SPOCK3: variants seen among roughly 807,000 people sequenced by gnomAD.
The protein encoded by SPOCK3 is testican-3.
Under a neutral mutation model 56.6 loss-of-function variants are expected in SPOCK3, and 30 were observed. That is an observed-to-expected ratio of 0.53 (90% CI 0.40 to 0.72). The LOEUF is 0.72. SPOCK3 is among the 30% of genes least tolerant of loss of function. SPOCK3 has a pLI of 0.00. For missense variants in SPOCK3, 527 were observed against 530.0 expected (o/e 0.99, Z 0.06); for synonymous variants, 196 against 183.3 (o/e 1.07, Z -0.56).
intron 5 of SPOCK3, among the ~76,000 whole-genome samples, chr4:166,891,567 A>G (rs1734790226): frequency 6.6e-6 from 1 of 151,972 alleles, no homozygotes; most frequent in South Asian, 2.1e-4. Flanking sequence ...TCATTATTCA[A>G]TGCTTCAAAA....
chr4:167,108,891 T>G (rs1760428184), intron 2 of SPOCK3, among the ~76,000 whole-genome samples: 1 of 142,208 alleles, frequency 7.0e-6, no homozygotes, highest in Admixed American at 7.8e-5. Flanking sequence ...TTACTTTGCA[T>G]TTCTGTATCA....
chr4:167,005,625 C>G (rs983407065), intron 3 of SPOCK3, among the ~76,000 whole-genome samples: 6 of 151,946 alleles, frequency 3.9e-5, no homozygotes, highest in African/African-American at 1.5e-4. Context: ...CTTTTATATA[C>G]TTTGTGCAAA....
chr4:166,847,689 T>A (rs1417741473), intron 6 of SPOCK3, among the ~76,000 whole-genome samples: 10 of 64,566 alleles, frequency 1.5e-4, no homozygotes, highest in African/African-American at 4.7e-4. Context: ...ATAAGAATCA[T>A]GTTTACTTTT....
At chr4:167,142,607 A>T (rs1167071643) in intron 2 of SPOCK3, among the ~76,000 whole-genome samples, 1 of 152,040 alleles carries the variant, frequency 6.6e-6, no homozygotes, top group Non-Finnish European at 1.5e-5. Context: ...ATGTGAATAA[A>T]GAAATCACAC....
chr4:166,929,930 G>T (rs1739544206), intron 4 of SPOCK3, among the ~76,000 whole-genome samples: 1 of 152,112 alleles, frequency 6.6e-6, no homozygotes, highest in African/African-American at 2.4e-5. Context: ...ATAGCAAAAT[G>T]TAGTGGTCTT....
intron 2 of SPOCK3, among the ~76,000 whole-genome samples, chr4:167,073,133 T>A (rs377636447): frequency 6.6e-6 from 1 of 151,734 alleles, no homozygotes; most frequent in African/African-American, 2.4e-5. Flanking sequence ...GGTATTTCCA[T>A]AATTTTACAT....
intron 4 of SPOCK3, among the ~76,000 whole-genome samples, chr4:166,950,443 G>C (rs1355164900): frequency 1.3e-5 from 2 of 151,836 alleles, no homozygotes; most frequent in South Asian, 4.1e-4. Context: ...AGCAAGTCCT[G>C]AGTGACCTAC....
At chr4:167,093,181 T>C (rs949819610) in intron 2 of SPOCK3, among the ~76,000 whole-genome samples, 7 of 152,218 alleles carry the variant, frequency 4.6e-5, no homozygotes, top group Admixed American at 4.6e-4. Flanking sequence ...ACATGCCATA[T>C]TGCACCATAA....
chr4:166,972,506 G>A (rs1021638865), intron 4 of SPOCK3, among the ~76,000 whole-genome samples: 4 of 150,920 alleles, frequency 2.7e-5, no homozygotes, highest in Admixed American at 2.6e-4. Context: ...ACTCTCAGAG[G>A]GGAGAAAAAG....
chr4:167,116,208 C>A (rs1296290391), intron 2 of SPOCK3, among the ~76,000 whole-genome samples: 4 of 151,542 alleles, frequency 2.6e-5, no homozygotes, highest in Non-Finnish European at 5.9e-5. Flanking sequence ...CATACACACA[C>A]CCCAAAAGGC....
chr4:167,113,562 T>G (rs753275608), intron 2 of SPOCK3, among the ~76,000 whole-genome samples: 9 of 151,930 alleles, frequency 5.9e-5, no homozygotes, highest in Non-Finnish European at 1.2e-4. Context: ...GATGGCACAT[T>G]CAAAGGATTA....
rs186297509 is a variant in SPOCK3 at position 166,948,322 on chromosome 4, G to A, written c.351-35579C>T. Among the ~76,000 whole-genome samples the A allele has an allele frequency of 2.4e-3, 361 of 152,268 alleles. 1 individual carries two copies. The highest frequency in any genetic ancestry group is 4.1e-3 in the Non-Finnish European group (279 of 68,020). On this transcript the variant is annotated intron_variant, in intron 4 of 10. Coordinates refer to ENST00000357545, the MANE Select transcript of SPOCK3 (RefSeq NM_001040159.2). The stretch of plus-strand genomic sequence containing the variant: ...GTGAATAGTAGTGCAATAAACATGG[G>A]AGTGCAGACATTACTTTTATTTACT...
chr4:167,062,692 AT>A, intron 2 of SPOCK3, 155 bp from the exon 3 acceptor site: 1 of 589,078 alleles, frequency 1.7e-6, no homozygotes, highest in Non-Finnish European at 3.0e-6. Flanking sequence ...ATAAATAAAA[AT>A]AAAAAAGAAA....
chr4:166,949,459 A>G (rs1056597121), intron 4 of SPOCK3, among the ~76,000 whole-genome samples: 3 of 151,610 alleles, frequency 2.0e-5, no homozygotes, highest in South Asian at 2.1e-4. Context: ...TTTTTTCCCC[A>G]TCTTTGTGGT....
intron 4 of SPOCK3, among the ~76,000 whole-genome samples, chr4:166,984,515 G>T (rs928836106): frequency 6.6e-6 from 1 of 152,060 alleles, no homozygotes; most frequent in African/African-American, 2.4e-5. Flanking sequence ...GAGTTGTATT[G>T]TTTGTTGATA....
At chr4:166,875,893 C>T (rs1270123972) in intron 6 of SPOCK3, among the ~76,000 whole-genome samples, 2 of 152,166 alleles carry the variant, frequency 1.3e-5, no homozygotes, top group African/African-American at 4.8e-5. Flanking sequence ...AGAATGTAGA[C>T]AGTTTACTAC....
At chr4:167,204,833 T>A (rs1733873235) in intron 2 of SPOCK3, among the ~76,000 whole-genome samples, 1 of 151,614 alleles carries the variant, frequency 6.6e-6, no homozygotes, top group Admixed American at 6.6e-5. Flanking sequence ...TCATATTTAT[T>A]TATTTATTAG....
chr4:166,958,713 T>A (rs961056657), intron 4 of SPOCK3, among the ~76,000 whole-genome samples: 41 of 152,192 alleles, frequency 2.7e-4, no homozygotes, highest in Non-Finnish European at 8.8e-5. Context: ...AAAGTCCAAA[T>A]TGAGAATGCA....
intron 2 of SPOCK3, among the ~76,000 whole-genome samples, chr4:167,222,109 A>T (rs1735977611): frequency 6.6e-6 from 1 of 152,136 alleles, no homozygotes; most frequent in African/African-American, 2.4e-5. Context: ...ATACAATGGA[A>T]TATTATTCAG....
Sources: allele counts gnomAD v4.1 joint callset (sites outside exome capture counted in the v4.1 genomes callset), GRCh38; gene constraint gnomAD v4.1.1; transcripts MANE v1.5; gene names NCBI Gene and HGNC (gene_info 2026-07-23, HGNC 2026-07-21).